The following MMRN1 variants were observed in gnomAD, a reference collection of about 807,000 sequenced individuals.
MMRN1 encodes the protein multimerin-1.
In MMRN1, 94 loss-of-function variants were observed where a neutral mutation model predicts 100.7. The observed-to-expected ratio is 0.93, with a 90% CI of 0.79 to 1.11. The LOEUF (loss-of-function observed/expected upper bound fraction) is 1.11, where lower values mean the gene tolerates loss of function less well. Among genes scored for constraint, MMRN1 ranks in the 50% least tolerant of loss-of-function variants. The probability of loss-of-function intolerance (pLI) is 0.00; values close to 1 mark genes in which losing one functional copy is unlikely to be tolerated. For synonymous variants in MMRN1, 575 were observed against 505.0 expected, an observed-to-expected ratio of 1.14 and a Z score of -1.86; for missense variants, 1,606 against 1,439.1, an observed-to-expected ratio of 1.12 and a Z score of -1.88.
At chr4:89,893,119 T>C (rs773023251), upstream of MMRN1, among the ~76,000 whole-genome samples, 5 of 152,062 alleles carry the variant, frequency 3.3e-5, no homozygotes, top group African/African-American at 1.2e-4. Flanking sequence ...ATTGTGACAG[T>C]TGTGCAGTTT....
At chr4:89,902,413 A>G (rs1415166421) in intron 1 of MMRN1, among the ~76,000 whole-genome samples, 3 of 152,014 alleles carry the variant, frequency 2.0e-5, no homozygotes, top group Admixed American at 6.6e-5. Context: ...AAGAATCATT[A>G]CTTATAAAAT....
Position 89,953,052 on chromosome 4 carries a change from T to C in MMRN1, c.3321T>C (p.His1107=). 1 of 1,613,610 alleles carries C rather than the reference T, an allele frequency of 6.2e-7. No homozygotes were observed. Among genetic ancestry groups the C allele is most frequent in the South Asian group, 1.1e-5 (1 of 91,002 alleles). ...YAPMVAFFAS[H]TYGMTIPGPI... Reference sequence around the variant, plus strand: ...CCATGGTGGCATTTTTTGCATCTCATACGTATGGAATGACTATACCTGGTC... The same window carrying C: ...CCATGGTGGCATTTTTTGCATCTCACACGTATGGAATGACTATACCTGGTC... Residue 1107 remains histidine, a synonymous_variant, in exon 8 of 8, where the codon CAT becomes CAC. Coordinates refer to ENST00000264790, the MANE Select transcript of MMRN1 (RefSeq NM_007351.3).
In MMRN1 at chr4:89,936,330, A is replaced by T; in HGVS notation, c.2650A>T (p.Ser884Cys). The T allele has an allele frequency of 6.2e-7, 1 of 1,612,868 alleles. No individual in the cohort carries two copies. Among genetic ancestry groups the T allele is most frequent in the Admixed American group, 1.7e-5 (1 of 59,818 alleles). Residue 884 changes from serine to cysteine, a missense_variant, in exon 6 of 8, where the codon AGT becomes TGT. Transcript: ENST00000264790. ...TTATTATATTTCAGTTAAAAAAGGC[A>T]GTGTAGTTACAAATGAGAGAGATCA... ...IPYYISVKKG[S>C]VVTNERDQAL...
chr4:89,905,039 A>G (rs1286843670), intron 1 of MMRN1, among the ~76,000 whole-genome samples: 1 of 151,624 alleles, frequency 6.6e-6, no homozygotes, highest in African/African-American at 2.4e-5. Context: ...CACATATGTC[A>G]GACTTATAGA....
chr4:89,936,550 A>G lies in MMRN1; in HGVS notation c.2870A>G (p.Gln957Arg), dbSNP rs921586633. The G allele has an allele frequency of 2.5e-6, 4 of 1,612,706 alleles. No homozygotes were observed. Among genetic ancestry groups the G allele is most frequent in the African/African-American group, 2.7e-5 (2 of 74,862 alleles). ...KWIKHSLPDI[Q>R]LLQKGLTEFV... Reference sequence around the variant, plus strand: ...ATAAAACATTCCCTGCCAGATATTCAACTTCTTCAGAAAGGTCTAACAGAA... The same window carrying G: ...ATAAAACATTCCCTGCCAGATATTCGACTTCTTCAGAAAGGTCTAACAGAA... Residue 957 changes from glutamine (Q) to arginine (R), a missense_variant, in exon 6 of 8, where the codon CAA becomes CGA. By Grantham distance (43) the Gln-to-Arg change is conservative. Transcript: ENST00000264790.
At chr4:89,916,952 C>T (rs1251117646) in intron 3 of MMRN1, among the ~76,000 whole-genome samples, 2 of 151,666 alleles carry the variant, frequency 1.3e-5, no homozygotes, top group African/African-American at 4.8e-5. Context: ...TACCTCTCAC[C>T]TAGGTAAATT....
chr4:89,932,755 C>G (rs547742901), intron 5 of MMRN1, among the ~76,000 whole-genome samples: 3 of 152,226 alleles, frequency 2.0e-5, no homozygotes, highest in East Asian at 3.9e-4. Context: ...CACAAAGCAG[C>G]AAGGCCCCCA....
intron 1 of MMRN1, chr4:89,902,205 T>C (rs982083806): frequency 7.3e-5 from 11 of 150,666 alleles, no homozygotes; most frequent in South Asian, 4.2e-4. Context: ...AGGGATAGCA[T>C]TGGGAGATAT....
intron 1 of MMRN1, among the ~76,000 whole-genome samples, chr4:89,885,135 C>T (rs1023547200): frequency 6.6e-6 from 1 of 150,570 alleles, no homozygotes; most frequent in Non-Finnish European, 1.5e-5. Flanking sequence ...CCCTCCCTCC[C>T]TTCCTCCCTT....
At chr4:89,887,681 T>A (rs1720967521) in intron 1 of MMRN1, among the ~76,000 whole-genome samples, 2 of 152,054 alleles carry the variant, frequency 1.3e-5, no homozygotes, top group Non-Finnish European at 2.9e-5. Flanking sequence ...GTTCTAACAA[T>A]TAAAATATGC....
intron 3 of MMRN1, among the ~76,000 whole-genome samples, chr4:89,920,550 G>A (rs1480878099): frequency 6.6e-6 from 1 of 152,006 alleles, no homozygotes; most frequent in Non-Finnish European, 1.5e-5. Flanking sequence ...TACTCTTTAA[G>A]GAATTGTATG....
At chr4:89,905,852 G>A (rs1721550584) in intron 1 of MMRN1, among the ~76,000 whole-genome samples, 1 of 151,412 alleles carries the variant, frequency 6.6e-6, no homozygotes, top group African/African-American at 2.4e-5. Flanking sequence ...TCAGGACTTG[G>A]TATTTTCATA....
chr4:89,898,577 C>T (rs757853242), intron 1 of MMRN1, among the ~76,000 whole-genome samples: 12 of 151,780 alleles, frequency 7.9e-5, no homozygotes, highest in East Asian at 3.9e-4. Context: ...GTTAGTCACA[C>T]GATGCCATCC....
chr4:89,934,427 G>T (rs1722536772), intron 5 of MMRN1, among the ~76,000 whole-genome samples: 1 of 152,056 alleles, frequency 6.6e-6, no homozygotes, highest in Non-Finnish European at 1.5e-5. Flanking sequence ...CTAACACCAG[G>T]TATTATTTAC....
intron 1 of MMRN1, among the ~76,000 whole-genome samples, chr4:89,882,638 T>C (rs1389298942): frequency 2.3e-5 from 3 of 132,218 alleles, no homozygotes; most frequent in Admixed American, 7.0e-5. Flanking sequence ...AGAATATATA[T>C]GTTGTATTCA....
intron 1 of MMRN1, among the ~76,000 whole-genome samples, chr4:89,888,416 T>C (rs1410515703): frequency 1.3e-5 from 2 of 151,696 alleles, no homozygotes. Flanking sequence ...TAGCTATAAT[T>C]GTGTTCCCCT....
Position 89,923,268 on chromosome 4 carries a change from C to T in MMRN1, c.951C>T (p.Asp317=), listed in dbSNP as rs535288773. Residue 317 remains aspartate, a synonymous_variant, in exon 4 of 8, where the codon GAC becomes GAT. Coordinates refer to ENST00000264790, the MANE Select transcript of MMRN1 (RefSeq NM_007351.3). The part of the protein sequence containing the change: ...AEQQQQQGCG[D]PEVMQKMTDQ... ...AGCAGCAGCAGCAAGGCTGTGGTGACCCAGGTCATAGATTGTAATTACTAT... is the reference window on the plus strand; with the variant it reads ...AGCAGCAGCAGCAAGGCTGTGGTGATCCAGGTCATAGATTGTAATTACTAT... The T allele has an allele frequency of 6.8e-6, 11 of 1,613,304 alleles. No individual in the cohort carries two copies. In the South Asian group the frequency reaches 1.2e-4, roughly 18 times the overall value.
At chr4:89,932,759 G>T (rs896280101) in intron 5 of MMRN1, among the ~76,000 whole-genome samples, 7 of 152,160 alleles carry the variant, frequency 4.6e-5, no homozygotes, top group Middle Eastern at 3.4e-3. Flanking sequence ...AAGCAGCAAG[G>T]CCCCCATGAA....
rs539227831 is a variant in MMRN1 at position 89,932,937 on chromosome 4, G to T, written c.1130-1873G>T. Among the ~76,000 whole-genome samples, 5 of 151,916 alleles carry T rather than the reference G, an allele frequency of 3.3e-5. No individual in the cohort carries two copies. In the East Asian group the frequency reaches 5.8e-4, roughly 18 times the overall value. On this transcript the variant is annotated intron_variant, in intron 5 of 7. Transcript: ENST00000264790. ...CTTGAATTTCTCCTCAGAAAATGAG[G>T]TTTTTTTTCTTTTCTATTTCATCAT...
Sources: gnomAD v4.1 joint callset for allele counts (sites outside exome capture counted in the v4.1 genomes callset) on GRCh38, gnomAD v4.1.1 for gene constraint, MANE v1.5 for transcripts, NCBI Gene and HGNC (gene_info 2026-07-23, HGNC 2026-07-21) for gene names.